The following CACNA1I variants were observed in gnomAD, a reference collection of about 807,000 sequenced individuals.
The protein encoded by CACNA1I is calcium voltage-gated channel subunit alpha1 I.
In CACNA1I, 74 loss-of-function variants were observed where a neutral mutation model predicts 201.6. The observed-to-expected ratio is 0.37, with a 90% CI of 0.30 to 0.45. The LOEUF is 0.45. Among genes scored for constraint, CACNA1I ranks in the 20% least tolerant of loss-of-function variants. CACNA1I has a pLI of 1.00. For missense variants in CACNA1I, 2,346 were observed against 3,138.1 expected (o/e 0.75, Z 6.03); for synonymous variants, 1,431 against 1,345.2 (o/e 1.06, Z -1.40).
At position 39,676,618 on chromosome 22, in the gene CACNA1I, G is replaced by T. The variant is rs527568036; in HGVS notation, c.4855-723G>T. On this transcript the variant is annotated intron_variant, in intron 29 of 36. Coordinates refer to ENST00000402142, the MANE Select transcript of CACNA1I (RefSeq NM_021096.4). This position sits in a 1 kb window ranked among gnomAD's most constrained non-coding sequence, Gnocchi z 4.8. ...CTCCCACAGGAGCTGTGGGATGGGG[G>T]TGGCTGGGTTTGCAGAGGCTTCTGG... 6.6e-6 allele frequency among the ~76,000 whole-genome samples: 1 copy of T among 152,332 alleles called. No homozygotes were observed. Among genetic ancestry groups the T allele is most frequent in the South Asian group, 2.1e-4 (1 of 4,832 alleles).
chr22:39,582,926 A>G (rs1164553869), intron 1 of CACNA1I, among the ~76,000 whole-genome samples: 3 of 148,104 alleles, frequency 2.0e-5, no homozygotes, highest in Non-Finnish European at 4.5e-5. Context: ...CCATCTAACC[A>G]TCCATCCATC....
At chr22:39,656,125 A>T (rs1444299867) in intron 10 of CACNA1I, among the ~76,000 whole-genome samples, 1 of 152,200 alleles carries the variant, frequency 6.6e-6, no homozygotes, top group Non-Finnish European at 1.5e-5. Context: ...ATGTAATTAC[A>T]GATGGAAATG....
intron 10 of CACNA1I, among the ~76,000 whole-genome samples, chr22:39,653,361 C>T (rs1934708962): frequency 1.3e-5 from 2 of 152,182 alleles, no homozygotes; most frequent in African/African-American, 2.4e-5. Context: ...GTCTCCTGGG[C>T]TCTGCGCAGG....
intron 3 of CACNA1I, among the ~76,000 whole-genome samples, chr22:39,616,838 A>G (rs1268782686): frequency 1.3e-5 from 2 of 151,836 alleles, no homozygotes; most frequent in East Asian, 3.9e-4. Context: ...GTTGTGCACG[A>G]GGGCAGTCTT....
chr22:39,624,632 C>A (rs1261569152), intron 4 of CACNA1I, among the ~76,000 whole-genome samples: 1 of 152,152 alleles, frequency 6.6e-6, no homozygotes, highest in Non-Finnish European at 1.5e-5. Flanking sequence ...CTGCGGGAGC[C>A]GCAGGCTGTT....
At chr22:39,642,387 C>T (rs1934372570) in intron 6 of CACNA1I, among the ~76,000 whole-genome samples, 1 of 152,136 alleles carries the variant, frequency 6.6e-6, no homozygotes, top group Non-Finnish European at 1.5e-5. Flanking sequence ...TGTGCACTCC[C>T]AGGCTCCACC....
In CACNA1I at chr22:39,677,318, C is replaced by T. The variant is rs372267896; in HGVS notation, c.4855-23C>T. 3.6e-4 allele frequency: 552 copies of T among 1,551,316 alleles called. No homozygotes were observed. The highest frequency in any genetic ancestry group is 4.6e-4 in the Non-Finnish European group (524 of 1,145,580). ...CCCCCACCCGCTCCCCAGCCCCACCCGGCCTCACCTGTCCTCCCGCAGGTG... is the reference window on the plus strand; with the variant it reads ...CCCCCACCCGCTCCCCAGCCCCACCTGGCCTCACCTGTCCTCCCGCAGGTG... On this transcript the variant is annotated intron_variant, in intron 29 of 36. Coordinates refer to ENST00000402142, the MANE Select transcript of CACNA1I (RefSeq NM_021096.4). This position sits in a 1 kb window ranked among gnomAD's most constrained non-coding sequence, Gnocchi z 4.8.
At chr22:39,643,311 A>C (rs1480808584) in intron 7 of CACNA1I, 1 of 162,126 alleles carries the variant, frequency 6.2e-6, no homozygotes, top group Non-Finnish European at 1.3e-5. Context: ...GTTTGGAGGG[A>C]GGTCGCCTGA....
At chr22:39,581,830 C>G (rs1279501743) in intron 1 of CACNA1I, among the ~76,000 whole-genome samples, 4 of 152,182 alleles carry the variant, frequency 2.6e-5, no homozygotes, top group Non-Finnish European at 5.9e-5. Context: ...CCTGTAGGAC[C>G]ACCTTTCACA....
Position 39,684,539 on chromosome 22 carries a change from C to G in CACNA1I, c.6027+41C>G. On this transcript the variant is annotated intron_variant, in intron 36 of 36. Transcript: ENST00000402142. This position sits in a 1 kb window ranked among gnomAD's most constrained non-coding sequence, Gnocchi z 4.6. Reference sequence around the variant, plus strand: ...AGGCCCTAGAGCACTGGTCTGTGGGCAAGGGGCAGGATCTAAGCCAGGCCT... The same window carrying G: ...AGGCCCTAGAGCACTGGTCTGTGGGGAAGGGGCAGGATCTAAGCCAGGCCT... 1 of 1,587,806 alleles carries G rather than the reference C, an allele frequency of 6.3e-7. No individual in the cohort carries two copies. Among genetic ancestry groups the G allele is most frequent in the Non-Finnish European group, 8.6e-7 (1 of 1,164,082 alleles).
chr22:39,633,875 G>A (rs1489735884), intron 4 of CACNA1I, among the ~76,000 whole-genome samples: 1 of 152,246 alleles, frequency 6.6e-6, no homozygotes, highest in Non-Finnish European at 1.5e-5. Flanking sequence ...AGTTGGCTCT[G>A]GGGGCTCTGC....
Position 39,677,419 on chromosome 22 carries a change from G to A in CACNA1I, c.4933G>A (p.Val1645Ile), listed in dbSNP as rs1488272479. The A allele has an allele frequency of 6.4e-7, 1 of 1,568,298 alleles. No homozygotes were observed. Among genetic ancestry groups the A allele is most frequent in the Non-Finnish European group, 8.6e-7 (1 of 1,158,640 alleles). ...CGGGGTGGAGCTCTTTGGGAAGCTG[G>A]GTGAGTGACTCCCAGAGCAGGCCCG... ...ALGVELFGKL[V>I]CNDENPCEGM... The change falls in exon 30 of 37, where the codon GTC (valine) becomes ATC (isoleucine). Residue 1645 changes from valine to isoleucine, a missense_variant and splice_region_variant. Coordinates refer to ENST00000402142, the MANE Select transcript of CACNA1I (RefSeq NM_021096.4). The surrounding 1 kb of genome is among the most constrained non-coding windows in gnomAD (Gnocchi z 4.8).
At chr22:39,575,556 A>G (rs550546554) in intron 1 of CACNA1I, among the ~76,000 whole-genome samples, 3 of 152,158 alleles carry the variant, frequency 2.0e-5, no homozygotes, top group African/African-American at 7.2e-5. Flanking sequence ...TTCAGAGGAC[A>G]TTGTTTCCAA....
intron 10 of CACNA1I, 55 bp from the exon 11 acceptor site, chr22:39,658,097 C>T (rs996278763): frequency 6.3e-7 from 1 of 1,585,128 alleles, no homozygotes; most frequent in Non-Finnish European, 8.6e-7. Flanking sequence ...AGAGGGGATC[C>T]ACAGCTGCCC....
At chr22:39,583,068 CCA>C in intron 1 of CACNA1I, among the ~76,000 whole-genome samples, 2 of 150,582 alleles carry the variant, frequency 1.3e-5, no homozygotes, top group African/African-American at 4.9e-5. Flanking sequence ...ATCCATCCAT[CCA>C]TCCATCCATC....
chr22:39,601,211 C>T (rs1933019731), intron 3 of CACNA1I, among the ~76,000 whole-genome samples: 1 of 152,212 alleles, frequency 6.6e-6, no homozygotes, highest in African/African-American at 2.4e-5. Flanking sequence ...CATCCATCAA[C>T]CAGGGACTGA....
At chr22:39,602,218 T>A (rs1016055836) in intron 3 of CACNA1I, among the ~76,000 whole-genome samples, 6 of 149,904 alleles carry the variant, frequency 4.0e-5, no homozygotes, top group African/African-American at 1.2e-4. Flanking sequence ...ACTGCAGGCA[T>A]GTGCTACCAA....
chr22:39,610,826 G>A (rs141933245), intron 3 of CACNA1I, among the ~76,000 whole-genome samples: 113 of 152,246 alleles, frequency 7.4e-4, no homozygotes, highest in African/African-American at 2.3e-3. Flanking sequence ...GCTCAGTGCC[G>A]ACTCCCTCCA....
chr22:39,661,931 G>A (rs1421226218), intron 16 of CACNA1I, 34 bp from the exon 17 acceptor site: 2 of 1,386,522 alleles, frequency 1.4e-6, no homozygotes, highest in South Asian at 1.4e-5. Flanking sequence ...GGGTGTGCCT[G>A]TGGGGCGCTG....
Sources: gnomAD v4.1 joint callset for allele counts (sites outside exome capture counted in the v4.1 genomes callset) on GRCh38, gnomAD v4.1.1 for gene constraint, Gnocchi (gnomAD v3.1) non-coding constraint, MANE v1.5 for transcripts, NCBI Gene and HGNC (gene_info 2026-07-23, HGNC 2026-07-21) for gene names.